GSK3B: variants seen among roughly 807,000 people sequenced by gnomAD.
GSK3B encodes glycogen synthase kinase 3 beta, also known as glycogen synthase kinase-3 beta.
A neutral mutation model predicts 56.4 loss-of-function variants in GSK3B; 15 were observed. That is an observed-to-expected ratio of 0.27 (90% confidence interval 0.18 to 0.41). GSK3B has a LOEUF of 0.41. GSK3B is among the 10% of genes least tolerant of loss of function. The pLI, the probability that GSK3B is intolerant of heterozygous loss-of-function variation, is 1.00. For synonymous variants in GSK3B, 181 were observed against 188.9 expected, an observed-to-expected ratio of 0.96 and a Z score of 0.34; for missense variants, 300 against 513.4, an observed-to-expected ratio of 0.58 and a Z score of 4.02.
At chr3:120,041,548 C>T (rs1178604880) in intron 1 of GSK3B, 1 of 189,448 alleles carries the variant, frequency 5.3e-6, no homozygotes, top group African/African-American at 2.4e-5. Flanking sequence ...TTAAAATATA[C>T]CACTGGAAAA....
intron 3 of GSK3B, among the ~76,000 whole-genome samples, chr3:119,945,698 T>C (rs1438770698): frequency 6.6e-6 from 1 of 152,216 alleles, no homozygotes; most frequent in Non-Finnish European, 1.5e-5. Context: ...ATTAAAACAG[T>C]GCCTAGCATA....
At chr3:119,961,741 A>T (rs954333719) in intron 2 of GSK3B, among the ~76,000 whole-genome samples, 4 of 152,166 alleles carry the variant, frequency 2.6e-5, no homozygotes, top group African/African-American at 9.6e-5. Flanking sequence ...ACAAAATAAA[A>T]GTTATAAAAT....
At chr3:120,086,623 C>T (rs1559907784) in intron 1 of GSK3B, among the ~76,000 whole-genome samples, 1 of 152,030 alleles carries the variant, frequency 6.6e-6, no homozygotes, top group Non-Finnish European at 1.5e-5. Context: ...GGCGAAACCC[C>T]CTCTCTATAA....
At chr3:119,914,367 C>T (rs1245250201) in intron 5 of GSK3B, among the ~76,000 whole-genome samples, 1 of 152,014 alleles carries the variant, frequency 6.6e-6, no homozygotes, top group East Asian at 1.9e-4. Context: ...AGCGAAATCC[C>T]TCTTCCAAAT....
chr3:120,026,576 TTTTC>T (rs1462650412), intron 1 of GSK3B, among the ~76,000 whole-genome samples: 5 of 140,064 alleles, frequency 3.6e-5, no homozygotes, highest in Non-Finnish European at 6.3e-5. Context: ...CTCTTTTTTT[TTTTC>T]TTTGAGACGG....
rs879932205 is a variant in GSK3B at position 120,094,276 on chromosome 3, C to G, written c.-842G>C. 2 of 229,368 alleles carry G rather than the reference C, an allele frequency of 8.7e-6. No homozygotes were observed. The highest frequency in any genetic ancestry group is 1.3e-3 in the Middle Eastern group (1 of 746). 14.2% of individuals were successfully genotyped at this position (229,368 alleles called of 1,614,324 possible). ...GCCGCCCTCCCGCCCCTCGGCTCTG[C>G]TCGGTGCCCGCTCAGGAAGTGTCCG... On this transcript the variant is annotated 5_prime_UTR_variant, in exon 1 of 11. Coordinates refer to ENST00000264235, the MANE Select transcript of GSK3B (RefSeq NM_001146156.2).
intron 1 of GSK3B, among the ~76,000 whole-genome samples, chr3:120,024,530 T>C (rs1172170072): frequency 1.3e-5 from 2 of 152,242 alleles, no homozygotes; most frequent in Non-Finnish European, 2.9e-5. Context: ...CACATATCTC[T>C]CTTCTCTGAA....
At chr3:119,920,447 G>A (rs950184392) in intron 4 of GSK3B, among the ~76,000 whole-genome samples, 1 of 151,812 alleles carries the variant, frequency 6.6e-6, no homozygotes, top group Non-Finnish European at 1.5e-5. Context: ...CGCCATGTTG[G>A]CCAGGCTGGT....
chr3:119,960,639 GC>G (rs980884384), intron 2 of GSK3B, among the ~76,000 whole-genome samples: 2 of 152,038 alleles, frequency 1.3e-5, no homozygotes, highest in Non-Finnish European at 2.9e-5. Flanking sequence ...CTGAATATCA[GC>G]CCCCCTCACA....
chr3:120,043,614 G>A (rs1363806829), intron 1 of GSK3B, among the ~76,000 whole-genome samples: 1 of 152,178 alleles, frequency 6.6e-6, no homozygotes, highest in Non-Finnish European at 1.5e-5. Flanking sequence ...TGGACTACCA[G>A]AGATCCGGGC....
chr3:119,925,608 G>A (rs1438569633), intron 3 of GSK3B, among the ~76,000 whole-genome samples: 1 of 152,036 alleles, frequency 6.6e-6, no homozygotes, highest in African/African-American at 2.4e-5. Flanking sequence ...CTGTACTCAA[G>A]GTCATTGCTC....
At chr3:119,907,227 CCTCT>C (rs903249532) in intron 6 of GSK3B, among the ~76,000 whole-genome samples, 1 of 151,964 alleles carries the variant, frequency 6.6e-6, no homozygotes, top group Non-Finnish European at 1.5e-5. Flanking sequence ...CAACTTTTTT[CCTCT>C]CTAATACGGA....
At chr3:119,992,393 C>T (rs1248345216) in intron 2 of GSK3B, among the ~76,000 whole-genome samples, 9 of 151,968 alleles carry the variant, frequency 5.9e-5, no homozygotes. Context: ...AAATTGTACC[C>T]AGACAAGTAG....
intron 2 of GSK3B, among the ~76,000 whole-genome samples, chr3:119,980,717 CTATTT>C (rs2057452595): frequency 6.6e-6 from 1 of 152,168 alleles, no homozygotes; most frequent in Non-Finnish European, 1.5e-5. Flanking sequence ...GTATCTTAAA[CTATTT>C]AGTAAAATAT....
intron 1 of GSK3B, among the ~76,000 whole-genome samples, chr3:120,038,997 T>C (rs1474889953): frequency 2.8e-5 from 1 of 35,276 alleles, no homozygotes. Context: ...TAAAACTCAA[T>C]AATAAAACAA....
At chr3:120,074,688 A>G (rs904025809) in intron 1 of GSK3B, among the ~76,000 whole-genome samples, 1 of 152,214 alleles carries the variant, frequency 6.6e-6, no homozygotes, top group Non-Finnish European at 1.5e-5. Context: ...CTAAAAAAGT[A>G]CAACCTGCCA....
At chr3:119,862,655 C>G (rs540162644) in intron 9 of GSK3B, among the ~76,000 whole-genome samples, 3 of 145,890 alleles carry the variant, frequency 2.1e-5, no homozygotes, top group African/African-American at 7.6e-5. Flanking sequence ...ATCAATATAT[C>G]AACTATTTCT....
intron 8 of GSK3B, among the ~76,000 whole-genome samples, chr3:119,874,296 T>C (rs939462561): frequency 6.6e-6 from 1 of 152,116 alleles, no homozygotes; most frequent in Non-Finnish European, 1.5e-5. Context: ...ACCCTACATA[T>C]ACTGTTTTTC....
intron 1 of GSK3B, among the ~76,000 whole-genome samples, chr3:120,072,396 G>A (rs72971006): frequency 0.017 from 2,595 of 152,080 alleles, 64 homozygotes; most frequent in African/African-American, 0.059. Context: ...ATGGTAGTTC[G>A]CCATGGTAGA....
Sources: allele counts gnomAD v4.1 joint callset (sites outside exome capture counted in the v4.1 genomes callset), GRCh38; gene constraint gnomAD v4.1.1; transcripts MANE v1.5; gene names NCBI Gene and HGNC (gene_info 2026-07-23, HGNC 2026-07-21).